NPAS2: variants seen among roughly 807,000 people sequenced by gnomAD.
NPAS2 encodes neuronal PAS domain-containing protein 2.
In NPAS2, 23 loss-of-function variants were observed where a neutral mutation model predicts 107.5. The observed-to-expected ratio is 0.21, with a 90% CI of 0.15 to 0.30. The LOEUF (loss-of-function observed/expected upper bound fraction) is 0.30, where lower values mean the gene tolerates loss of function less well. Ranked by LOEUF, NPAS2 falls within the 10% of genes least tolerant of loss-of-function variation. The pLI, the probability that NPAS2 is intolerant of heterozygous loss-of-function variation, is 1.00. For synonymous variants in NPAS2, 403 were observed against 417.5 expected, an observed-to-expected ratio of 0.97 and a Z score of 0.42; for missense variants, 756 against 1,043.3, an observed-to-expected ratio of 0.72 and a Z score of 3.79.
At chr2:100,856,917 G>A (rs1382277537) in intron 1 of NPAS2, among the ~76,000 whole-genome samples, 1 of 152,194 alleles carries the variant, frequency 6.6e-6, no homozygotes, top group African/African-American at 2.4e-5. Flanking sequence ...AAGTAGGGCA[G>A]GTGATGGAGA....
In NPAS2 at chr2:100,965,743, T is replaced by C; in HGVS notation, c.884T>C (p.Leu295Pro). 6.2e-7 allele frequency: 1 copy of C among 1,613,462 alleles called. No homozygotes were observed. Among genetic ancestry groups the C allele is most frequent in the South Asian group, 1.1e-5 (1 of 91,032 alleles). Residue 295 changes from leucine (L) to proline (P), a missense_variant, in exon 10 of 21, where the codon CTC becomes CCC. By Grantham distance (98) the Leu-to-Pro change is moderately conservative (BLOSUM62 -3). This residue lies in a region of NPAS2 where 84 missense variants were observed against 175.5 expected (regional missense o/e 0.48). Transcript: ENST00000335681. The surrounding 1 kb of genome is among the most constrained non-coding windows in gnomAD (Gnocchi z 4.3). ...YDYYHIDDLE[L>P]LARCHQHLMQ... ...TACTACCACATTGATGACCTGGAGC[T>C]CCTGGCCAGGTGTCACCAGCACCGT...
At chr2:100,985,636 A>G (rs1677737181) in intron 16 of NPAS2, 1 of 152,254 alleles carries the variant, frequency 6.6e-6, no homozygotes, top group Non-Finnish European at 1.5e-5. Context: ...GCGAAGGAGG[A>G]AAAAGCTCCT....
intron 1 of NPAS2, among the ~76,000 whole-genome samples, chr2:100,871,723 A>G (rs993032402): frequency 1.3e-5 from 2 of 152,022 alleles, no homozygotes; most frequent in Non-Finnish European, 2.9e-5. Context: ...CTTCAGCTCC[A>G]GCGTTGCTCC....
rs74613843 is a variant in NPAS2, at chr2:100,878,676, G to A, written c.-22-26057G>A. On this transcript the variant is annotated intron_variant, in intron 1 of 20. Transcript: ENST00000335681. ...TTTCAAAAAAAGTTTTCTAATTTTG[G>A]TGGCATTGATTTTGTAGATTCTCAC... 1.9e-3 allele frequency: 1,772 copies of A among 943,506 alleles called. 102 individuals are homozygous for A. The East Asian group carries it at 0.14, about 73-fold the overall frequency. The allele number at this position is 943,506 out of a possible 1,614,324, so 58.4% of individuals were successfully genotyped here.
intron 3 of NPAS2, 85 bp downstream of exon 3, chr2:100,925,379 G>C: frequency 6.8e-7 from 1 of 1,472,606 alleles, no homozygotes; most frequent in Non-Finnish European, 9.3e-7. Context: ...TGCCTGGTTG[G>C]TTTTGTCTCC....
At chr2:100,856,855 A>T (rs1240200053) in intron 1 of NPAS2, among the ~76,000 whole-genome samples, 1 of 152,182 alleles carries the variant, frequency 6.6e-6, no homozygotes, top group Non-Finnish European at 1.5e-5. Flanking sequence ...CAGATGAGCT[A>T]TGAGTCATTT....
At chr2:100,884,333 CAG>C (rs1417903987) in intron 1 of NPAS2, among the ~76,000 whole-genome samples, 1 of 152,078 alleles carries the variant, frequency 6.6e-6, no homozygotes, top group African/African-American at 2.4e-5. Flanking sequence ...AGAAAGCAAA[CAG>C]TACCTTCAGA....
intron 5 of NPAS2, among the ~76,000 whole-genome samples, chr2:100,943,757 C>G (rs1196076808): frequency 1.3e-5 from 2 of 152,164 alleles, no homozygotes; most frequent in Non-Finnish European, 2.9e-5. Flanking sequence ...TACCTGTCCC[C>G]ATGATAAGAG....
Position 100,995,848 on chromosome 2 carries a change from A to G in NPAS2, c.*266A>G. On this transcript the variant is annotated 3_prime_UTR_variant, in exon 21 of 21. Transcript: ENST00000335681. The stretch of plus-strand genomic sequence containing the variant: ...TGGACAGGAACCAGGTGCCCCGTGT[A>G]GGCATCGTCGGTCGGTTTGCCGTCA... 1 of 1,523,094 alleles carries G rather than the reference A, an allele frequency of 6.6e-7. No individual in the cohort carries two copies. The highest frequency in any genetic ancestry group is 2.6e-5 in the East Asian group (1 of 38,674). 94.3% of individuals were successfully genotyped at this position (1,523,094 alleles called of 1,614,324 possible).
chr2:100,939,199 C>G (rs185882994), intron 5 of NPAS2, among the ~76,000 whole-genome samples: 1 of 152,178 alleles, frequency 6.6e-6, no homozygotes, highest in Non-Finnish European at 1.5e-5. Flanking sequence ...GTGTGCAGAT[C>G]GAAGCCGCTG....
chr2:100,959,097 A>AC (rs769132557), intron 7 of NPAS2, among the ~76,000 whole-genome samples: 16 of 103,280 alleles, frequency 1.5e-4, no homozygotes, highest in Admixed American at 1.2e-3. Context: ...TTCAAAAAAA[A>AC]AAAAAAAAAA....
intron 1 of NPAS2, among the ~76,000 whole-genome samples, chr2:100,826,624 T>C (rs773816676): frequency 5.9e-5 from 9 of 152,190 alleles, no homozygotes; most frequent in Non-Finnish European, 1.2e-4. Flanking sequence ...TAATAAATAA[T>C]CTATTGAGTT....
At chr2:100,883,387 T>C (rs1473906829) in intron 1 of NPAS2, among the ~76,000 whole-genome samples, 2 of 152,184 alleles carry the variant, frequency 1.3e-5, no homozygotes, top group Non-Finnish European at 2.9e-5. Context: ...CATCAGCACC[T>C]GACTGGAGGG....
At chr2:100,908,197 G>C (rs1264559493) in intron 2 of NPAS2, among the ~76,000 whole-genome samples, 1 of 152,122 alleles carries the variant, frequency 6.6e-6, no homozygotes, top group African/African-American at 2.4e-5. Context: ...TTCTTCTTCT[G>C]TCAAGTGGGG....
At chr2:100,963,491 C>T (rs1423948176) in intron 7 of NPAS2, among the ~76,000 whole-genome samples, 6 of 152,092 alleles carry the variant, frequency 3.9e-5, no homozygotes, top group African/African-American at 9.7e-5. Context: ...TTGCAACCTC[C>T]GCCTCCCAGG....
chr2:100,974,568 A>G (rs577419392), intron 12 of NPAS2, among the ~76,000 whole-genome samples: 1 of 152,318 alleles, frequency 6.6e-6, no homozygotes, highest in Admixed American at 6.5e-5. Flanking sequence ...TAAATAATAA[A>G]AACAAAAGGC....
In NPAS2 at chr2:100,937,021, C is replaced by T. The variant is rs991840547; in HGVS notation, c.274-732C>T. 5.0e-4 allele frequency among the ~76,000 whole-genome samples: 75 copies of T among 150,548 alleles called. 1 individual carries two copies. The highest frequency in any genetic ancestry group is 1.7e-3 in the African/African-American group (71 of 41,028). On this transcript the variant is annotated intron_variant, in intron 4 of 20. Transcript: ENST00000335681. ...AAAAAACCATGAGCAAAAGTGTCTGCTTTATGAGAAAGCATTGCCCACCTT... is the reference window on the plus strand; with the variant it reads ...AAAAAACCATGAGCAAAAGTGTCTGTTTTATGAGAAAGCATTGCCCACCTT...
chr2:100,990,563 G>C lies in NPAS2; in HGVS notation c.2018+117G>C, dbSNP rs1678052150. On this transcript the variant is annotated intron_variant, in intron 18 of 20. Transcript: ENST00000335681. ...TCAGACAGATTCTAAAGTGTCCACA[G>C]TTGATCTCAGCTAAGGAAGCAGAGG... is the stretch of plus-strand genomic sequence containing the variant. 3 of 1,198,518 alleles carry C rather than the reference G, an allele frequency of 2.5e-6. No homozygotes were observed. The African/African-American group carries it at 4.5e-5, about 18-fold the overall frequency. 74.2% of individuals were successfully genotyped at this position (1,198,518 alleles called of 1,614,324 possible).
intron 1 of NPAS2, among the ~76,000 whole-genome samples, chr2:100,840,201 A>C (rs1221371164): frequency 1.3e-5 from 2 of 152,138 alleles, no homozygotes; most frequent in African/African-American, 4.8e-5. Context: ...ACAGGGGTCG[A>C]ATGTCTGTCC....
Sources: gnomAD v4.1 joint callset for allele counts (sites outside exome capture counted in the v4.1 genomes callset) on GRCh38, gnomAD v4.1.1 for gene constraint, gnomAD v4.1.1 regional missense constraint, Gnocchi (gnomAD v3.1) non-coding constraint, MANE v1.5 for transcripts, NCBI Gene and HGNC (gene_info 2026-07-23, HGNC 2026-07-21) for gene names.